Variants in ITGA6 observed in about 807,000 individuals in gnomAD.
ITGA6 encodes integrin subunit alpha 6.
Under a neutral mutation model 133.6 loss-of-function variants are expected in ITGA6, and 63 were observed. The observed-to-expected ratio is 0.47, with a 90% CI of 0.38 to 0.58. The LOEUF (loss-of-function observed/expected upper bound fraction) is 0.58, where lower values mean the gene tolerates loss of function less well. ITGA6 is among the 20% of genes least tolerant of loss of function. The pLI, the probability that ITGA6 is intolerant of heterozygous loss-of-function variation, is 0.00. For synonymous variants in ITGA6, 434 were observed against 482.0 expected (o/e 0.90, Z 1.30); for missense variants, 1,068 against 1,309.4 (o/e 0.82, Z 2.85).
chr2:172,483,208 A>G (rs1686527199), intron 11 of ITGA6, among the ~76,000 whole-genome samples: 1 of 152,132 alleles, frequency 6.6e-6, no homozygotes, highest in Admixed American at 6.5e-5. Flanking sequence ...GTGGAAGGGA[A>G]AAGAAGGGAA....
chr2:172,496,954 A>C (rs1687150599), intron 23 of ITGA6, among the ~76,000 whole-genome samples: 1 of 152,228 alleles, frequency 6.6e-6, no homozygotes, highest in Non-Finnish European at 1.5e-5. Context: ...TTAAGCGCTA[A>C]GCTGCCTCTG....
intron 1 of ITGA6, among the ~76,000 whole-genome samples, chr2:172,461,145 A>G (rs1685412780): frequency 1.3e-5 from 2 of 152,322 alleles, no homozygotes; most frequent in Non-Finnish European, 1.5e-5. Flanking sequence ...CAGAGCTCTG[A>G]TTAGACTCCA....
intron 1 of ITGA6, among the ~76,000 whole-genome samples, chr2:172,433,772 A>G (rs1684205201): frequency 6.6e-6 from 1 of 152,062 alleles, no homozygotes; most frequent in African/African-American, 2.4e-5. Context: ...TCCACTCTCC[A>G]GTTGAAAAGT....
chr2:172,460,199 G>A (rs1407653603), intron 1 of ITGA6, among the ~76,000 whole-genome samples: 1 of 152,214 alleles, frequency 6.6e-6, no homozygotes, highest in African/African-American at 2.4e-5. Flanking sequence ...ATTTGGCTAT[G>A]TAAAAGAATA....
chr2:172,434,927 C>G (rs1230336484), intron 1 of ITGA6, among the ~76,000 whole-genome samples: 3 of 151,988 alleles, frequency 2.0e-5, no homozygotes, highest in Admixed American at 1.3e-4. Flanking sequence ...CCAGTAATGC[C>G]TCTTTACCCA....
At chr2:172,452,749 C>G (rs1685057972) in intron 1 of ITGA6, among the ~76,000 whole-genome samples, 1 of 152,174 alleles carries the variant, frequency 6.6e-6, no homozygotes, top group Non-Finnish European at 1.5e-5. Context: ...TATTAATGGA[C>G]TCATTTTGGC....
intron 1 of ITGA6, among the ~76,000 whole-genome samples, chr2:172,450,524 G>A: frequency 6.6e-6 from 1 of 152,180 alleles, no homozygotes; most frequent in East Asian, 1.9e-4. Flanking sequence ...CTGAGAAGTG[G>A]TCAGAGTAAA....
At chr2:172,442,361 T>C (rs1184405130) in intron 1 of ITGA6, among the ~76,000 whole-genome samples, 1 of 152,152 alleles carries the variant, frequency 6.6e-6, no homozygotes, top group Non-Finnish European at 1.5e-5. Context: ...TAAACAGCAC[T>C]TTACAGTGCT....
chr2:172,469,568 A>G (rs1685829736), intron 4 of ITGA6, among the ~76,000 whole-genome samples, 188 bp downstream of exon 4: 2 of 152,176 alleles, frequency 1.3e-5, no homozygotes, highest in African/African-American at 4.8e-5. Context: ...TTTGGTGTTG[A>G]CATTCTTTTC....
intron 5 of ITGA6, among the ~76,000 whole-genome samples, chr2:172,471,452 C>G (rs1443079015): frequency 2.0e-5 from 3 of 152,210 alleles, no homozygotes; most frequent in Non-Finnish European, 4.4e-5. Flanking sequence ...CATGGGTGTT[C>G]ACAGTAAGCT....
chr2:172,441,559 T>TA (rs57828626), intron 1 of ITGA6, among the ~76,000 whole-genome samples: 1,963 of 48,738 alleles, frequency 0.04, 233 homozygotes, highest in Non-Finnish European at 0.059. Flanking sequence ...GCTGTCTCTT[T>TA]AAAAAAAAAA....
intron 1 of ITGA6, among the ~76,000 whole-genome samples, chr2:172,446,545 G>GTC (rs1684775986): frequency 6.6e-6 from 1 of 152,206 alleles, no homozygotes; most frequent in African/African-American, 2.4e-5. Flanking sequence ...CTGTGCAAAG[G>GTC]TCAGGGATGG....
intron 9 of ITGA6, among the ~76,000 whole-genome samples, chr2:172,478,952 C>T (rs1188891831): frequency 6.6e-6 from 1 of 152,148 alleles, no homozygotes; most frequent in African/African-American, 2.4e-5. Context: ...TGTAATTCTT[C>T]CAGAGGGTAT....
At position 172,455,385 on chromosome 2, in the gene ITGA6, C is replaced by T. The variant is rs147051929; in HGVS notation, c.183-10154C>T. Among the ~76,000 whole-genome samples, 1,319 of 152,258 alleles carry T rather than the reference C, an allele frequency of 8.7e-3. 21 individuals are homozygous for T. Among genetic ancestry groups the T allele is most frequent in the African/African-American group, 0.03 (1,228 of 41,540 alleles). ...GGCCTGCCACGTGCCAGACCTTGCT[C>T]TCAAAGCTTGGGATAACTGCTGGGT... On this transcript the variant is annotated intron_variant, in intron 1 of 25. Transcript: ENST00000684293.
intron 25 of ITGA6, 28 bp from the exon 26 acceptor site, chr2:172,504,063 T>C (rs1394537184): frequency 2.0e-6 from 3 of 1,531,898 alleles, no homozygotes; most frequent in Non-Finnish European, 2.6e-6. Context: ...GATTAATTTG[T>C]TTCTCTTTCT....
At chr2:172,432,433 CT>C (rs1266849336) in intron 1 of ITGA6, among the ~76,000 whole-genome samples, 1 of 152,202 alleles carries the variant, frequency 6.6e-6, no homozygotes, top group Non-Finnish European at 1.5e-5. Context: ...CTGCTAGCAC[CT>C]AGCATATGCC....
intron 1 of ITGA6, among the ~76,000 whole-genome samples, chr2:172,452,916 G>C (rs896257012): frequency 1.3e-5 from 2 of 152,200 alleles, no homozygotes; most frequent in Admixed American, 1.3e-4. Flanking sequence ...GATTTTGAGA[G>C]CCCTCTTTCC....
chr2:172,501,781 T>C lies in ITGA6; in HGVS notation c.3124T>C (p.Phe1042Leu), dbSNP rs774841613. 3.1e-6 allele frequency: 5 copies of C among 1,612,570 alleles called. No individual in the cohort carries two copies. Among genetic ancestry groups the C allele is most frequent in the Non-Finnish European group, 4.2e-6 (5 of 1,179,664 alleles). The change falls in exon 25 of 26, where the codon TTC becomes CTC. Residue 1042 changes from phenylalanine to leucine, a missense_variant. Coordinates refer to ENST00000684293, the MANE Select transcript of ITGA6 (RefSeq NM_000210.4). Reference protein sequence around the residue: ...LVFILWKCGFFKRNKKDHYDA... With the variant: ...LVFILWKCGFLKRNKKDHYDA... ...CCTTGCTTCCTTGTAGTGTGGTTTC[T>C]TCAAGAGAAATAAGAAAGATCATTA...
intron 1 of ITGA6, among the ~76,000 whole-genome samples, chr2:172,443,674 T>G (rs755693849): frequency 2.0e-5 from 3 of 152,234 alleles, no homozygotes; most frequent in Non-Finnish European, 2.9e-5. Flanking sequence ...CTTGTTAAAA[T>G]GTATGTGTTA....
Sources: allele counts gnomAD v4.1 joint callset (sites outside exome capture counted in the v4.1 genomes callset), GRCh38; gene constraint gnomAD v4.1.1; transcripts MANE v1.5; gene names NCBI Gene and HGNC (gene_info 2026-07-23, HGNC 2026-07-21).